ROCK1: variants seen among roughly 807,000 people sequenced by gnomAD.
The protein encoded by ROCK1 is rho-associated protein kinase 1.
Under a neutral mutation model 196.8 loss-of-function variants are expected in ROCK1, and 36 were observed. The ratio of observed to expected loss-of-function variants is 0.18; its 90% CI spans 0.14 to 0.24. The LOEUF (loss-of-function observed/expected upper bound fraction) is 0.24, where lower values mean the gene tolerates loss of function less well. Among genes scored for constraint, ROCK1 ranks in the 10% least tolerant of loss-of-function variants. The pLI is 1.00. For missense variants in ROCK1, 920 were observed against 1,562.0 expected (o/e 0.59, Z 6.93); for synonymous variants, 443 against 515.9 (o/e 0.86, Z 1.91).
In ROCK1 at chr18:20,971,719, A is replaced by G. The variant is rs1224888304; in HGVS notation, c.2655-1206T>C. Among the ~76,000 whole-genome samples, 3 of 143,850 alleles carry G rather than the reference A, an allele frequency of 2.1e-5. No homozygotes were observed. In the East Asian group the frequency reaches 6.1e-4, roughly 29 times the overall value. 94.4% of individuals were successfully genotyped at this position (143,850 alleles called of 152,430 possible). A position where few individuals can be genotyped will look rare whatever the true frequency, so the allele number is the denominator to read the frequency against. ...AAATAAATAAATAAATAAATAAATA[A>G]AGAGACACAGCAGTAACAAAGTTCC... On this transcript the variant is annotated intron_variant, in intron 22 of 32. Transcript: ENST00000399799.
At chr18:21,050,821 TGCACCA>T (rs2036197848) in intron 2 of ROCK1, among the ~76,000 whole-genome samples, 1 of 152,222 alleles carries the variant, frequency 6.6e-6, no homozygotes. Context: ...CACTGCAAGA[TGCACCA>T]GAAAGATGAA....
At chr18:21,097,513 C>T (rs1288865558) in intron 1 of ROCK1, among the ~76,000 whole-genome samples, 4 of 152,162 alleles carry the variant, frequency 2.6e-5, no homozygotes, top group Non-Finnish European at 4.4e-5. Flanking sequence ...AAGCCTATGA[C>T]GTATTATCAT....
chr18:21,090,385 C>A (rs1016317436), intron 1 of ROCK1, among the ~76,000 whole-genome samples: 1 of 152,132 alleles, frequency 6.6e-6, no homozygotes, highest in Non-Finnish European at 1.5e-5. Flanking sequence ...ATCACTTAAG[C>A]CCAGGAGGTT....
intron 2 of ROCK1, among the ~76,000 whole-genome samples, chr18:21,063,750 T>C (rs1351287017): frequency 3.9e-5 from 6 of 152,170 alleles, no homozygotes; most frequent in African/African-American, 7.2e-5. Flanking sequence ...TTTGTGATCA[T>C]TTAAATGAAA....
At chr18:20,959,121 A>ATT (rs2035294848) in intron 29 of ROCK1, among the ~76,000 whole-genome samples, 1 of 52,100 alleles carries the variant, frequency 1.9e-5, no homozygotes, top group African/African-American at 1.4e-4. Flanking sequence ...ATATTATATA[A>ATT]TATATATATT....
At chr18:21,060,511 A>C (rs1404474391) in intron 2 of ROCK1, among the ~76,000 whole-genome samples, 1 of 152,232 alleles carries the variant, frequency 6.6e-6, no homozygotes, top group East Asian at 1.9e-4. Context: ...GCAATGCTAC[A>C]TCTGTGTATT....
chr18:21,008,973 A>C (rs1255200630), intron 13 of ROCK1, among the ~76,000 whole-genome samples: 4 of 152,082 alleles, frequency 2.6e-5, no homozygotes, highest in Non-Finnish European at 4.4e-5. Flanking sequence ...GGTTCATGTA[A>C]GCACCACCAC....
chr18:21,027,466 C>T (rs1347989843), intron 10 of ROCK1, among the ~76,000 whole-genome samples: 2 of 152,166 alleles, frequency 1.3e-5, no homozygotes, highest in Admixed American at 6.5e-5. Flanking sequence ...ATCTCAAGTA[C>T]ATTAGAGTAA....
chr18:21,067,584 G>A (rs1449256308), intron 2 of ROCK1, among the ~76,000 whole-genome samples: 6 of 151,832 alleles, frequency 4.0e-5, no homozygotes, highest in East Asian at 3.9e-4. Flanking sequence ...ATGGGGTTTC[G>A]CCATGTTGGC....
At chr18:21,086,019 T>C (rs958816417) in intron 1 of ROCK1, among the ~76,000 whole-genome samples, 1 of 152,176 alleles carries the variant, frequency 6.6e-6, no homozygotes, top group Non-Finnish European at 1.5e-5. Context: ...GTTTGTCATT[T>C]CTCAAACGAT....
chr18:20,975,427 T>C (rs2035471136), intron 22 of ROCK1, among the ~76,000 whole-genome samples: 1 of 152,046 alleles, frequency 6.6e-6, no homozygotes, highest in Non-Finnish European at 1.5e-5. Context: ...TTAGATATAC[T>C]CTGTCTCTTG....
intron 18 of ROCK1, among the ~76,000 whole-genome samples, chr18:20,990,655 T>C (rs1413762676): frequency 2.5e-5 from 3 of 122,266 alleles, no homozygotes; most frequent in South Asian, 5.5e-4. Context: ...ATCACACCAT[T>C]GCACTCCAGC....
rs570440283 is a variant in ROCK1 at position 20,970,810 on chromosome 18, T to G, written c.2655-297A>C. On this transcript the variant is annotated intron_variant, in intron 22 of 32. Coordinates refer to ENST00000399799, the MANE Select transcript of ROCK1 (RefSeq NM_005406.3). The stretch of plus-strand genomic sequence containing the variant: ...AAAGAAATTTCTTGCAGATTTGGAA[T>G]GGAAGGCAGCGTGGCATAGTGGAAA... Among the ~76,000 whole-genome samples the G allele has an allele frequency of 9.2e-5, 14 of 152,304 alleles. No homozygotes were observed. The South Asian group carries it at 2.7e-3, about 29-fold the overall frequency.
At chr18:21,070,636 G>A in intron 1 of ROCK1, 23 bp from the exon 2 acceptor site, 1 of 1,541,532 alleles carries the variant, frequency 6.5e-7, no homozygotes, top group Non-Finnish European at 8.9e-7. Context: ...ACAAACAATG[G>A]TTAGTTTTTT....
chr18:20,992,979 G>C, intron 16 of ROCK1, 42 bp from the exon 17 acceptor site: 1 of 1,257,810 alleles, frequency 8.0e-7, no homozygotes, highest in South Asian at 1.3e-5. Context: ...GTCATTGAAA[G>C]AAGTCTTTTT....
intron 1 of ROCK1, among the ~76,000 whole-genome samples, chr18:21,083,141 A>C (rs1478954160): frequency 6.6e-6 from 1 of 152,230 alleles, no homozygotes; most frequent in East Asian, 1.9e-4. Context: ...CTGAGGCTAA[A>C]GACATGTACA....
intron 4 of ROCK1, among the ~76,000 whole-genome samples, chr18:21,048,208 T>C (rs2036177082): frequency 6.6e-6 from 1 of 152,200 alleles, no homozygotes; most frequent in East Asian, 1.9e-4. Context: ...GAAAGGCCTA[T>C]GGCAATCAAG....
At chr18:20,992,007 G>A (rs537558328) in intron 17 of ROCK1, among the ~76,000 whole-genome samples, 1 of 151,920 alleles carries the variant, frequency 6.6e-6, no homozygotes, top group East Asian at 1.9e-4. Flanking sequence ...CATTTACTTT[G>A]CTTTCACAAA....
At chr18:20,965,713 G>GC (rs1378065454) in intron 27 of ROCK1, among the ~76,000 whole-genome samples, 1 of 152,180 alleles carries the variant, frequency 6.6e-6, no homozygotes, top group Non-Finnish European at 1.5e-5. Context: ...GTGTGTACCT[G>GC]CAAGTTTCTC....
Sources: allele counts gnomAD v4.1 joint callset (sites outside exome capture counted in the v4.1 genomes callset), GRCh38; gene constraint gnomAD v4.1.1; transcripts MANE v1.5; gene names NCBI Gene and HGNC (gene_info 2026-07-23, HGNC 2026-07-21).